ARHGAP6: variants seen among roughly 807,000 people sequenced by gnomAD.
ARHGAP6 encodes Rho GTPase activating protein 6, also known as rho GTPase-activating protein 6.
ARHGAP6 carries 16 observed loss-of-function variants against 55.7 expected under a neutral mutation model. The observed-to-expected ratio is 0.29, with a 90% CI of 0.19 to 0.44. ARHGAP6 has a LOEUF of 0.44. Among genes scored for constraint, ARHGAP6 ranks in the 20% least tolerant of loss-of-function variants. ARHGAP6 has a pLI of 1.00. For synonymous variants in ARHGAP6, 382 were observed against 360.9 expected (o/e 1.06, Z -0.66); for missense variants, 698 against 808.9 (o/e 0.86, Z 1.66).
intron 1 of ARHGAP6, among the ~76,000 whole-genome samples, chrX:11,558,211 C>G (rs2051341148): frequency 9.0e-6 from 1 of 111,608 alleles, no homozygotes; most frequent in Non-Finnish European, 1.9e-5. Context: ...TTAGTTTCCC[C>G]CAAAAGTCTG....
At chrX:11,343,764 T>C (rs2048735487) in intron 1 of ARHGAP6, among the ~76,000 whole-genome samples, 1 of 112,071 alleles carries the variant, frequency 8.9e-6, no homozygotes, top group Non-Finnish European at 1.9e-5. Context: ...CTGCTTTATA[T>C]AATACACATT....
intron 1 of ARHGAP6, among the ~76,000 whole-genome samples, chrX:11,281,919 G>A (rs1177932057): frequency 8.9e-6 from 1 of 112,181 alleles, no homozygotes; most frequent in Non-Finnish European, 1.9e-5. Flanking sequence ...GTTTCTGATA[G>A]ATGAAGGAAA....
chrX:11,205,942 C>G (rs1201186535), intron 2 of ARHGAP6, among the ~76,000 whole-genome samples: 1 of 112,083 alleles, frequency 8.9e-6, no homozygotes, highest in Non-Finnish European at 1.9e-5. Context: ...GGAGTATTGA[C>G]AGCTATTAGA....
rs1298271536 is a variant in ARHGAP6 at position 11,664,684 on chromosome X, C to A, written c.145G>T (p.Asp49Tyr). The stretch of plus-strand genomic sequence containing the variant: ...GCACTGCCCTCCGCGCCCGCCTCGT[C>A]GCTCCCGCAGCCGCCGATCAGGGCC... ...DPALIGGCGS[D>Y]EAGAEGSARG... is the part of the protein sequence containing the mutation. The change falls in exon 1 of 13, where the codon GAC becomes TAC. Residue 49 changes from aspartate to tyrosine, a missense_variant. Coordinates refer to ENST00000337414, the MANE Select transcript of ARHGAP6 (RefSeq NM_013427.3). The A allele has an allele frequency of 8.5e-7, 1 of 1,171,392 alleles. No homozygotes were observed. The highest frequency in any genetic ancestry group is 1.9e-5 in the South Asian group (1 of 53,071).
chrX:11,389,722 G>T (rs945425305), intron 1 of ARHGAP6, among the ~76,000 whole-genome samples: 1 of 112,246 alleles, frequency 8.9e-6, no homozygotes, highest in Non-Finnish European at 1.9e-5. Flanking sequence ...AAATCACTTG[G>T]TAAATTTGCT....
At chrX:11,372,771 C>CAAAAAAAAAAAAAAAA (rs1171647934) in intron 1 of ARHGAP6, among the ~76,000 whole-genome samples, 20 of 14,338 alleles carry the variant, frequency 1.4e-3, no homozygotes, top group East Asian at 2.4e-3. Flanking sequence ...GACTCCATCT[C>CAAAAAAAAAAAAAAAA]AAAAAAAAAA....
chrX:11,631,627 G>A (rs2052363111), intron 1 of ARHGAP6, among the ~76,000 whole-genome samples: 3 of 111,412 alleles, frequency 2.7e-5, no homozygotes, highest in Admixed American at 1.9e-4. Flanking sequence ...CACAAACTAC[G>A]GGCAAAGGGA....
At position 11,664,422 on chromosome X, in the gene ARHGAP6, G is replaced by T. The variant is rs113151368; in HGVS notation, c.407C>A (p.Ala136Asp). 1 of 1,211,010 alleles carries T rather than the reference G, an allele frequency of 8.3e-7. No homozygotes were observed. Among genetic ancestry groups the T allele is most frequent in the African/African-American group, 1.7e-5 (1 of 57,680 alleles). The stretch of plus-strand genomic sequence containing the variant: ...GGCCAGGACAGAAGGCAGGTCCCAG[G>T]CCATGCTCTTCTTGAGGCCGCCGCG... ...LGRGGLKKSM[A>D]WDLPSVLAGP... Residue 136 changes from alanine to aspartate, a missense_variant, in exon 1 of 13, where the codon GCC becomes GAC. Transcript: ENST00000337414.
intron 1 of ARHGAP6, among the ~76,000 whole-genome samples, chrX:11,472,275 G>T (rs2050355349): frequency 9.0e-6 from 1 of 111,550 alleles, no homozygotes; most frequent in Admixed American, 9.5e-5. Flanking sequence ...CGCCAAATTT[G>T]CCCTGGGGAG....
At chrX:11,658,639 T>C (rs2052663938) in intron 1 of ARHGAP6, among the ~76,000 whole-genome samples, 1 of 106,653 alleles carries the variant, frequency 9.4e-6, no homozygotes, top group African/African-American at 3.4e-5. Flanking sequence ...AAATCCCTTA[T>C]TTTTTTTCAT....
chrX:11,169,880 A>G (rs1252968398), intron 8 of ARHGAP6, among the ~76,000 whole-genome samples, 196 bp from the exon 9 acceptor site: 2 of 110,189 alleles, frequency 1.8e-5, no homozygotes, highest in Non-Finnish European at 3.8e-5. Flanking sequence ...CTCACAGTTC[A>G]GTGATCATCT....
chrX:11,158,525 T>A (rs764566166), intron 9 of ARHGAP6, among the ~76,000 whole-genome samples: 1 of 112,613 alleles, frequency 8.9e-6, no homozygotes, highest in East Asian at 2.8e-4. Flanking sequence ...GAACCTTTGA[T>A]ACAACAGCTT....
chrX:11,333,255 C>T (rs1253351847), intron 1 of ARHGAP6, among the ~76,000 whole-genome samples: 2 of 111,822 alleles, frequency 1.8e-5, no homozygotes, highest in African/African-American at 3.2e-5. Flanking sequence ...GGGAGGGACC[C>T]GGTGGGAGGT....
intron 5 of ARHGAP6, among the ~76,000 whole-genome samples, chrX:11,183,881 T>G (rs1319319846): frequency 1.8e-5 from 2 of 112,414 alleles, no homozygotes; most frequent in Non-Finnish European, 3.8e-5. Context: ...ATGGCTCTCC[T>G]TTTTCTATGC....
chrX:11,621,846 C>T (rs1320423951), intron 1 of ARHGAP6, among the ~76,000 whole-genome samples: 5 of 111,518 alleles, frequency 4.5e-5, no homozygotes, highest in African/African-American at 1.6e-4. Flanking sequence ...TACACCTAGA[C>T]ACATTTTAGT....
At chrX:11,351,132 T>C (rs1439886333) in intron 1 of ARHGAP6, among the ~76,000 whole-genome samples, 5 of 109,545 alleles carry the variant, frequency 4.6e-5, no homozygotes, top group Admixed American at 2.0e-4. Flanking sequence ...TTTCCTCCTG[T>C]AACCACAAAA....
At chrX:11,501,368 T>C (rs1161488374) in intron 1 of ARHGAP6, among the ~76,000 whole-genome samples, 1 of 111,739 alleles carries the variant, frequency 8.9e-6, no homozygotes, top group Non-Finnish European at 1.9e-5. Flanking sequence ...GAGGATCACT[T>C]GAACCCAGGA....
At chrX:11,466,516 C>G (rs1451721965) in intron 1 of ARHGAP6, among the ~76,000 whole-genome samples, 1 of 110,634 alleles carries the variant, frequency 9.0e-6, no homozygotes, top group African/African-American at 3.3e-5. Context: ...TTTTGTTTCT[C>G]TCTATAGACA....
At chrX:11,604,405 G>A (rs2052010926) in intron 1 of ARHGAP6, among the ~76,000 whole-genome samples, 1 of 111,976 alleles carries the variant, frequency 8.9e-6, no homozygotes, top group Admixed American at 9.5e-5. Flanking sequence ...TTTATCAACA[G>A]TGGGAAACTG....
Sources: allele counts gnomAD v4.1 joint callset (sites outside exome capture counted in the v4.1 genomes callset), GRCh38; gene constraint gnomAD v4.1.1; transcripts MANE v1.5; gene names NCBI Gene and HGNC (gene_info 2026-07-23, HGNC 2026-07-21).